FA2H: variants seen among roughly 807,000 people sequenced by gnomAD.
FA2H encodes fatty acid alpha-hydroxylase.
A neutral mutation model predicts 44.9 loss-of-function variants in FA2H; 22 were observed. The observed-to-expected ratio is 0.49, with a 90% CI of 0.35 to 0.70. The LOEUF is 0.70. FA2H is among the 30% of genes least tolerant of loss of function. FA2H has a pLI of 0.01. For missense variants in FA2H, 501 were observed against 504.9 expected, an observed-to-expected ratio of 0.99 and a Z score of 0.07; for synonymous variants, 243 against 213.2, an observed-to-expected ratio of 1.14 and a Z score of -1.22.
chr16:74,765,689 G>A (rs1182209672), intron 1 of FA2H, among the ~76,000 whole-genome samples: 2 of 152,004 alleles, frequency 1.3e-5, no homozygotes, highest in Non-Finnish European at 2.9e-5. Context: ...AAATAGCTGG[G>A]ACTACAGACA....
chr16:74,717,576 G>T (rs571171508), intron 5 of FA2H, among the ~76,000 whole-genome samples: 47 of 152,356 alleles, frequency 3.1e-4, no homozygotes, highest in Middle Eastern at 3.4e-3. Flanking sequence ...ATGTGCATGG[G>T]TGCTCTTGTG....
intron 1 of FA2H, among the ~76,000 whole-genome samples, chr16:74,749,586 G>C (rs1167826322): frequency 1.3e-5 from 2 of 152,214 alleles, no homozygotes; most frequent in African/African-American, 2.4e-5. Context: ...TGCTCGTGAA[G>C]TGAACTCCCT....
chr16:74,774,310 G>A (rs888559330), intron 1 of FA2H, among the ~76,000 whole-genome samples, 176 bp downstream of exon 1: 1 of 152,030 alleles, frequency 6.6e-6, no homozygotes, highest in Admixed American at 6.6e-5. Context: ...GAGGAAGGAG[G>A]GGTTGGAGGG....
chr16:74,719,530 T>C (rs571834669), intron 4 of FA2H, among the ~76,000 whole-genome samples: 2 of 152,084 alleles, frequency 1.3e-5, no homozygotes, highest in East Asian at 3.9e-4. Context: ...TATTATTATC[T>C]TGAGACAAGG....
chr16:74,725,842 T>C, intron 4 of FA2H: 1 of 347,578 alleles, frequency 2.9e-6, no homozygotes, highest in South Asian at 2.3e-5. Flanking sequence ...CATAGGCCAG[T>C]CCGAGTCTAG....
chr16:74,728,339 G>A (rs1055209397), intron 2 of FA2H, among the ~76,000 whole-genome samples: 1 of 152,222 alleles, frequency 6.6e-6, no homozygotes, highest in South Asian at 2.1e-4. Context: ...GTTTAGTGGA[G>A]ATACAAAGCA....
intron 1 of FA2H, among the ~76,000 whole-genome samples, chr16:74,741,808 A>ATATATATATATATATGTG (rs1491185782): frequency 1.3e-3 from 61 of 48,324 alleles, no homozygotes; most frequent in Non-Finnish European, 1.6e-3. Context: ...ATATATATAT[A>ATATATATATATATATGTG]TGTGTGTGTG....
chr16:74,737,831 G>A (rs994514191), intron 2 of FA2H, among the ~76,000 whole-genome samples: 10 of 152,146 alleles, frequency 6.6e-5, no homozygotes, highest in South Asian at 2.1e-4. Flanking sequence ...TCCATGTCCC[G>A]ATCCAAAAGA....
chr16:74,752,004 A>G (rs7185697), intron 1 of FA2H, among the ~76,000 whole-genome samples: 16,176 of 152,202 alleles, frequency 0.11, 1,001 homozygotes, highest in African/African-American at 0.16. Context: ...CCATAAATCA[A>G]ATCGCCCAGT....
intron 1 of FA2H, among the ~76,000 whole-genome samples, chr16:74,757,614 T>C (rs979311639): frequency 1.3e-5 from 2 of 152,194 alleles, no homozygotes; most frequent in Non-Finnish European, 2.9e-5. Context: ...AGTAAAATTA[T>C]ATTGCTGATA....
rs56341013 is a variant in FA2H, at chr16:74,720,180, C to CTTTTTTTTTTTT, written c.614-1032_614-1021dup. Among the ~76,000 whole-genome samples the CTTTTTTTTTTTT allele has an allele frequency of 2.1e-3, 97 of 47,244 alleles. 19 individuals carry two copies. The highest frequency in any genetic ancestry group is 2.4e-3 in the Non-Finnish European group (66 of 27,316). 31.0% of individuals were successfully genotyped at this position (47,244 alleles called of 152,430 possible). A position where few individuals can be genotyped will look rare whatever the true frequency, so the allele number is the denominator to read the frequency against. On this transcript the variant is annotated intron_variant, in intron 4 of 6. Transcript: ENST00000219368. ...TTTGCTCCATATATTCATCCTCATC[C>CTTTTTTTTTTTT]TTTTTTTTTTTTTTTTTTTTTTTTT...
chr16:74,724,101 C>T (rs942381451), intron 4 of FA2H, among the ~76,000 whole-genome samples: 1 of 152,110 alleles, frequency 6.6e-6, no homozygotes. Flanking sequence ...TGGGTTTCAC[C>T]ATGTTGGCCA....
intron 1 of FA2H, among the ~76,000 whole-genome samples, chr16:74,745,072 T>G (rs551770064): frequency 6.6e-6 from 1 of 152,150 alleles, no homozygotes; most frequent in Non-Finnish European, 1.5e-5. Context: ...AACGAGACTG[T>G]CCCAGGGCAA....
intron 1 of FA2H, among the ~76,000 whole-genome samples, chr16:74,741,810 G>GTA (rs1287859252): frequency 3.5e-4 from 19 of 54,306 alleles, no homozygotes; most frequent in African/African-American, 1.5e-3. Context: ...ATATATATAT[G>GTA]TGTGTGTGTG....
chr16:74,758,348 C>T (rs971754221), intron 1 of FA2H, among the ~76,000 whole-genome samples: 4 of 151,944 alleles, frequency 2.6e-5, no homozygotes, highest in Non-Finnish European at 5.9e-5. Context: ...TCTCGAACTC[C>T]TGACCTCGTG....
chr16:74,721,639 C>G (rs1275481547), intron 4 of FA2H, among the ~76,000 whole-genome samples: 3 of 152,186 alleles, frequency 2.0e-5, no homozygotes, highest in Non-Finnish European at 2.9e-5. Context: ...CTAGACACAG[C>G]CTGATGGATG....
intron 6 of FA2H, 126 bp downstream of exon 6, chr16:74,716,221 G>C (rs1961692373): frequency 9.3e-7 from 1 of 1,078,726 alleles, no homozygotes. Flanking sequence ...GAAGAGAGTA[G>C]AGGGAACCCT....
At chr16:74,772,152 T>C (rs1217999246) in intron 1 of FA2H, among the ~76,000 whole-genome samples, 3 of 152,138 alleles carry the variant, frequency 2.0e-5, no homozygotes, top group African/African-American at 7.2e-5. Flanking sequence ...TCCCCCCACA[T>C]CCCTGTCTTT....
rs1453766465 is a variant in FA2H, at chr16:74,716,216, G to A, written c.1039+131C>T. ...GCACAGCTGTCTGCACCAGGGAAGA[G>A]AGTAGAGGGAACCCTCTGTATATGC... On this transcript the variant is annotated intron_variant, in intron 6 of 6. Coordinates refer to ENST00000219368, the MANE Select transcript of FA2H (RefSeq NM_024306.5). 9.2e-6 allele frequency: 9 copies of A among 982,562 alleles called. No homozygotes were observed. In the East Asian group the frequency reaches 2.2e-4, roughly 24 times the overall value. 60.9% of individuals were successfully genotyped at this position (982,562 alleles called of 1,614,324 possible).
Sources: allele counts gnomAD v4.1 joint callset (sites outside exome capture counted in the v4.1 genomes callset), GRCh38; gene constraint gnomAD v4.1.1; transcripts MANE v1.5; gene names NCBI Gene and HGNC (gene_info 2026-07-23, HGNC 2026-07-21).